CCDC186: variants seen among roughly 807,000 people sequenced by gnomAD.
The protein encoded by CCDC186 is coiled-coil domain-containing protein 186.
CCDC186 carries 49 observed loss-of-function variants against 113.7 expected under a neutral mutation model. The ratio of observed to expected loss-of-function variants is 0.43; its 90% CI spans 0.34 to 0.55. The LOEUF (loss-of-function observed/expected upper bound fraction) is 0.55, where lower values mean the gene tolerates loss of function less well. Among genes scored for constraint, CCDC186 ranks in the 20% least tolerant of loss-of-function variants. The probability of loss-of-function intolerance (pLI) is 0.02; values close to 1 mark genes in which losing one functional copy is unlikely to be tolerated. For synonymous variants in CCDC186, 355 were observed against 345.8 expected, an observed-to-expected ratio of 1.03 and a Z score of -0.30; for missense variants, 890 against 1,011.1, an observed-to-expected ratio of 0.88 and a Z score of 1.62.
chr10:114,123,980 G>A lies in CCDC186; in HGVS notation c.*1163C>T, dbSNP rs953021935. Reference sequence around the variant, plus strand: ...TACCGCTTCAGCCTCCCGAGTAGCTGGAACCATAGGCATGCACCACCATGC... The same window carrying A: ...TACCGCTTCAGCCTCCCGAGTAGCTAGAACCATAGGCATGCACCACCATGC... On this transcript the variant is annotated 3_prime_UTR_variant, in exon 16 of 16. Coordinates refer to ENST00000369287, the MANE Select transcript of CCDC186 (RefSeq NM_018017.4). 4 of 152,118 alleles carry A rather than the reference G, an allele frequency of 2.6e-5. No homozygotes were observed. The East Asian group carries it at 5.8e-4, about 22-fold the overall frequency. The allele number at this position is 152,118 out of a possible 1,614,324, so 9.4% of individuals were successfully genotyped here.
chr10:114,130,225 A>G, intron 12 of CCDC186: 1 of 252,302 alleles, frequency 4.0e-6, no homozygotes, highest in Non-Finnish European at 7.6e-6. Flanking sequence ...TTAACTTTTT[A>G]AAGTATTGAA....
intron 10 of CCDC186, among the ~76,000 whole-genome samples, chr10:114,133,587 G>A (rs954466438): frequency 1.3e-5 from 2 of 152,132 alleles, no homozygotes; most frequent in East Asian, 1.9e-4. Flanking sequence ...GAGATTGAGA[G>A]AGAGTTGCCA....
At position 114,151,120 on chromosome 10, in the gene CCDC186, T is replaced by A. The variant is rs1473227431; in HGVS notation, c.860A>T (p.His287Leu). 1 of 1,613,892 alleles carries A rather than the reference T, an allele frequency of 6.2e-7. No homozygotes were observed. Among genetic ancestry groups the A allele is most frequent in the South Asian group, 1.1e-5 (1 of 91,030 alleles). Residue 287 changes from histidine (H) to leucine (L), a missense_variant, in exon 4 of 16, where the codon CAC becomes CTC. Coordinates refer to ENST00000369287, the MANE Select transcript of CCDC186 (RefSeq NM_018017.4). Reference protein sequence around the residue: ...VTAKNAVQQLHKEMAQRMEQA... With the variant: ...VTAKNAVQQLLKEMAQRMEQA... The stretch of plus-strand genomic sequence containing the variant: ...TTCCATCCGTTGGGCCATCTCTTTG[T>A]GTAACTGCTGAACTGCATTTTTAGC...
chr10:114,168,467 T>C (rs12258210), intron 1 of CCDC186, among the ~76,000 whole-genome samples: 1,671 of 152,320 alleles, frequency 0.011, 31 homozygotes, highest in African/African-American at 0.038. Flanking sequence ...CTGCAAATAT[T>C]GCCCCTATAT....
At chr10:114,156,324 C>A (rs1199704110) in intron 3 of CCDC186, among the ~76,000 whole-genome samples, 4 of 152,188 alleles carry the variant, frequency 2.6e-5, no homozygotes, top group African/African-American at 9.7e-5. Flanking sequence ...TGCTTCTAAT[C>A]CTGTTCACAG....
intron 2 of CCDC186, chr10:114,162,207 T>C (rs1283390461): frequency 6.5e-6 from 1 of 153,944 alleles, no homozygotes; most frequent in African/African-American, 2.4e-5. Flanking sequence ...TCCAAAACTG[T>C]ATTATTATTT....
intron 5 of CCDC186, 81 bp downstream of exon 5, chr10:114,145,468 T>C: frequency 1.6e-6 from 2 of 1,220,766 alleles, no homozygotes; most frequent in Non-Finnish European, 2.2e-6. Flanking sequence ...TGTTAAATTA[T>C]GATTATTTGA....
At chr10:114,149,813 G>GC (rs2031786759) in intron 4 of CCDC186, among the ~76,000 whole-genome samples, 4 of 117,424 alleles carry the variant, frequency 3.4e-5, no homozygotes, top group African/African-American at 1.5e-4. Context: ...AGGAAGGAAG[G>GC]AAGGCAGGAA....
chr10:114,154,767 A>ATG (rs1564914996), intron 3 of CCDC186, among the ~76,000 whole-genome samples: 1 of 152,228 alleles, frequency 6.6e-6, no homozygotes, highest in East Asian at 1.9e-4. Context: ...TAGCACGTGA[A>ATG]TGTTCACAGT....
chr10:114,134,386 T>G (rs1403005502), intron 10 of CCDC186, among the ~76,000 whole-genome samples: 1 of 152,198 alleles, frequency 6.6e-6, no homozygotes, highest in African/African-American at 2.4e-5. Context: ...GCAGAATCAA[T>G]CTAAATGATG....
At chr10:114,172,709 A>G (rs987933851) in intron 1 of CCDC186, among the ~76,000 whole-genome samples, 7 of 152,262 alleles carry the variant, frequency 4.6e-5, no homozygotes, top group African/African-American at 1.7e-4. Flanking sequence ...TTCGTGATCT[A>G]ATATCTTCAC....
rs552744536 is a variant in CCDC186, at chr10:114,122,267, A to T, written c.*2876T>A. 6.6e-6 allele frequency: 1 copy of T among 152,336 alleles called. No homozygotes were observed. The highest frequency in any genetic ancestry group is 6.5e-5 in the Admixed American group (1 of 15,300). 9.4% of individuals were successfully genotyped at this position (152,336 alleles called of 1,614,324 possible). ...AAATAAATAACATGTTGGTAGCCTG[A>T]TAAAATTTAATTTCAAGCTAAATCG... On this transcript the variant is annotated 3_prime_UTR_variant, in exon 16 of 16. Transcript: ENST00000369287.
intron 7 of CCDC186, 51 bp from the exon 8 acceptor site, chr10:114,136,297 T>C (rs768538446): frequency 1.5e-6 from 2 of 1,371,014 alleles, no homozygotes; most frequent in Non-Finnish European, 1.0e-6. Context: ...CCATTTCCCG[T>C]TTGCCCTGAG....
rs769142372 is a variant in CCDC186 at position 114,163,202 on chromosome 10, T to C, written c.67A>G (p.Lys23Glu). 16 of 1,613,934 alleles carry C rather than the reference T, an allele frequency of 9.9e-6. No individual in the cohort carries two copies. Among genetic ancestry groups the C allele is most frequent in the Non-Finnish European group, 1.3e-5 (15 of 1,180,008 alleles). Residue 23 changes from lysine to glutamate, a missense_variant, in exon 2 of 16, where the codon AAG (lysine) becomes GAG (glutamate). Coordinates refer to ENST00000369287, the MANE Select transcript of CCDC186 (RefSeq NM_018017.4). ...GAAAACAAGTTGCATGAGTCTTCCT[T>C]TAATTCAGGTGTTTTCCCAACATTT... The part of the protein sequence containing the change: ...DKNVGKTPEL[K>E]EDSCNLFSGN...
At chr10:114,136,365 G>A (rs34668207) in intron 7 of CCDC186, 119 bp from the exon 8 acceptor site, 50,877 of 647,372 alleles carry the variant, frequency 0.079, 2,476 homozygotes, top group Middle Eastern at 0.11. Flanking sequence ...GTTAGGATAA[G>A]AGACAAGTTC....
intron 3 of CCDC186, among the ~76,000 whole-genome samples, chr10:114,155,617 A>G (rs1316251171): frequency 6.6e-6 from 1 of 152,058 alleles, no homozygotes; most frequent in Non-Finnish European, 1.5e-5. Context: ...AGTGGTTGCT[A>G]TGAGCCGAGA....
chr10:114,150,731 C>T (rs2031829134), intron 4 of CCDC186, among the ~76,000 whole-genome samples: 1 of 152,154 alleles, frequency 6.6e-6, no homozygotes. Flanking sequence ...TCACTGCAAC[C>T]TCCGCCTCCC....
At chr10:114,146,192 C>T (rs566757867) in intron 4 of CCDC186, among the ~76,000 whole-genome samples, 1 of 152,224 alleles carries the variant, frequency 6.6e-6, no homozygotes, top group Non-Finnish European at 1.5e-5. Context: ...AGATCTGGCT[C>T]CTCCAGAGTT....
intron 3 of CCDC186, among the ~76,000 whole-genome samples, chr10:114,153,989 C>A (rs1429506166): frequency 6.6e-6 from 1 of 151,628 alleles, no homozygotes; most frequent in South Asian, 2.1e-4. Context: ...GCAGGTGGAT[C>A]GCTTGAGCTC....
Sources: gnomAD v4.1 joint callset for allele counts (sites outside exome capture counted in the v4.1 genomes callset) on GRCh38, gnomAD v4.1.1 for gene constraint, MANE v1.5 for transcripts, NCBI Gene and HGNC (gene_info 2026-07-23, HGNC 2026-07-21) for gene names.